The following RAI1 variants were observed in gnomAD, a reference collection of about 807,000 sequenced individuals.
RAI1 encodes retinoic acid-induced protein 1.
Under a neutral mutation model 123.8 loss-of-function variants are expected in RAI1, and 9 were observed. The observed-to-expected ratio is 0.07, with a 90% CI of 0.04 to 0.13. The LOEUF (loss-of-function observed/expected upper bound fraction) is 0.13, where lower values mean the gene tolerates loss of function less well. Among genes scored for constraint, RAI1 ranks in the 10% least tolerant of loss-of-function variants. The pLI, the probability that RAI1 is intolerant of heterozygous loss-of-function variation, is 1.00. For synonymous variants in RAI1, 1,231 were observed against 1,127.3 expected (o/e 1.09, Z -1.84); for missense variants, 2,256 against 2,545.8 (o/e 0.89, Z 2.45).
intron 2 of RAI1, among the ~76,000 whole-genome samples, chr17:17,728,857 C>T (rs1203124465): frequency 6.6e-6 from 1 of 152,214 alleles, no homozygotes; most frequent in African/African-American, 2.4e-5. Flanking sequence ...CCCTTCATAG[C>T]TCCTAGCTGC....
intron 1 of RAI1, chr17:17,682,406 C>T (rs1914462887): frequency 6.6e-6 from 1 of 151,880 alleles, no homozygotes; most frequent in Non-Finnish European, 1.5e-5. Context: ...GCCCCCGCGA[C>T]CTGGGGAGCT....
At chr17:17,767,811 T>C (rs1173407961) in intron 2 of RAI1, among the ~76,000 whole-genome samples, 1 of 152,212 alleles carries the variant, frequency 6.6e-6, no homozygotes, top group African/African-American at 2.4e-5. Flanking sequence ...CCAGCCTTGC[T>C]ACTCACAGGT....
In RAI1 at chr17:17,795,372, G is replaced by A. The variant is rs747732852; in HGVS notation, c.2424G>A (p.Gly808=). Residue 808 remains glycine (G), a synonymous_variant, in exon 3 of 6, where the codon GGG becomes GGA. Coordinates refer to ENST00000353383, the MANE Select transcript of RAI1 (RefSeq NM_030665.4). This position sits in a 1 kb window ranked among gnomAD's most constrained non-coding sequence, Gnocchi z 5.9. ...GGGAGAAGGTGGCCTCGTTGCCCGG[G>A]GACTTCAAGCAGGAGGAGGTGGGTG... ...PPGEKVASLP[G]DFKQEEVGGV... is the part of the protein sequence containing the mutation. 3 of 1,594,652 alleles carry A rather than the reference G, an allele frequency of 1.9e-6. No homozygotes were observed. The highest frequency in any genetic ancestry group is 1.7e-6 in the Non-Finnish European group (2 of 1,168,308).
At chr17:17,712,663 G>C (rs1280326744) in intron 1 of RAI1, among the ~76,000 whole-genome samples, 2 of 152,180 alleles carry the variant, frequency 1.3e-5, no homozygotes, top group Non-Finnish European at 1.5e-5. Flanking sequence ...GCCCAGAAGG[G>C]GCTATTGCAC....
chr17:17,682,310 G>C (rs1914455532), intron 1 of RAI1, among the ~76,000 whole-genome samples: 1 of 152,054 alleles, frequency 6.6e-6, no homozygotes, highest in Non-Finnish European at 1.5e-5. Context: ...TGCGTGGCGA[G>C]ATGGGTGCTC....
chr17:17,682,691 C>T (rs1405382780), intron 1 of RAI1: 1 of 152,222 alleles, frequency 6.6e-6, no homozygotes, highest in African/African-American at 2.4e-5. Flanking sequence ...GGAAGCGAAA[C>T]ACCAGCCAGG....
At chr17:17,706,776 C>T (rs917308413) in intron 1 of RAI1, among the ~76,000 whole-genome samples, 4 of 152,234 alleles carry the variant, frequency 2.6e-5, no homozygotes, top group African/African-American at 9.6e-5. Context: ...GGGAAGCACA[C>T]ATTTCTTCTC....
intron 1 of RAI1, among the ~76,000 whole-genome samples, chr17:17,722,917 C>T (rs1039189091): frequency 2.6e-5 from 4 of 152,238 alleles, no homozygotes. Flanking sequence ...CCTTAAGCGG[C>T]TCTTCTGCCG....
intron 1 of RAI1, among the ~76,000 whole-genome samples, chr17:17,697,115 C>A (rs777937641): frequency 1.3e-5 from 2 of 152,226 alleles, no homozygotes; most frequent in African/African-American, 4.8e-5. Context: ...TATTCCAGAA[C>A]GGTTCAATTC....
At chr17:17,783,120 G>A (rs1322193226) in intron 2 of RAI1, among the ~76,000 whole-genome samples, 1 of 149,618 alleles carries the variant, frequency 6.7e-6, no homozygotes. Flanking sequence ...AGGCGGGGAC[G>A]TCCAGGGCCG....
chr17:17,773,073 G>GTGGATGGATGGA (rs1172543704), intron 2 of RAI1, among the ~76,000 whole-genome samples: 2 of 92,510 alleles, frequency 2.2e-5, no homozygotes, highest in African/African-American at 8.6e-5. Flanking sequence ...GGGTGGGTGG[G>GTGGATGGATGGA]TGGATGGATG....
chr17:17,787,102 C>G (rs901587410), intron 2 of RAI1, among the ~76,000 whole-genome samples: 3 of 152,214 alleles, frequency 2.0e-5, no homozygotes, highest in South Asian at 2.1e-4. Context: ...TCATCCTTAT[C>G]ATGCAGCCTC....
chr17:17,688,569 C>G (rs1027556649), intron 1 of RAI1, among the ~76,000 whole-genome samples: 1 of 152,132 alleles, frequency 6.6e-6, no homozygotes, highest in African/African-American at 2.4e-5. Flanking sequence ...GATATCATTG[C>G]TGGGCTGTTA....
chr17:17,695,448 C>T (rs1248250570), intron 1 of RAI1, among the ~76,000 whole-genome samples: 1 of 152,202 alleles, frequency 6.6e-6, no homozygotes, highest in African/African-American at 2.4e-5. Context: ...CAACACTGCC[C>T]TGTCCCCACC....
intron 2 of RAI1, among the ~76,000 whole-genome samples, chr17:17,731,242 C>T (rs1875617447): frequency 1.3e-5 from 2 of 152,244 alleles, no homozygotes; most frequent in South Asian, 4.1e-4. Flanking sequence ...GCCTCGTTTA[C>T]AGGCTGTGTT....
chr17:17,752,293 A>T (rs2030213123), intron 2 of RAI1, among the ~76,000 whole-genome samples: 1 of 152,172 alleles, frequency 6.6e-6, no homozygotes, highest in African/African-American at 2.4e-5. Flanking sequence ...CCCAGCCCCC[A>T]GCCCGGGCAG....
At chr17:17,753,760 G>A (rs2030313191) in intron 2 of RAI1, among the ~76,000 whole-genome samples, 1 of 152,182 alleles carries the variant, frequency 6.6e-6, no homozygotes, top group Non-Finnish European at 1.5e-5. Flanking sequence ...GAAATGGAAT[G>A]ACAGATATCT....
At chr17:17,792,065 G>A (rs1441347247) in intron 2 of RAI1, among the ~76,000 whole-genome samples, 4 of 152,128 alleles carry the variant, frequency 2.6e-5, no homozygotes, top group Non-Finnish European at 5.9e-5. Context: ...GTGCCCTTCC[G>A]TGGCCGTGGC....
chr17:17,698,475 T>G (rs1025836362), intron 1 of RAI1, among the ~76,000 whole-genome samples: 1 of 152,088 alleles, frequency 6.6e-6, no homozygotes. Context: ...CAGCCCTCGG[T>G]CTCCCCCTCC....
Sources: gnomAD v4.1 joint callset for allele counts (sites outside exome capture counted in the v4.1 genomes callset) on GRCh38, gnomAD v4.1.1 for gene constraint, Gnocchi (gnomAD v3.1) non-coding constraint, MANE v1.5 for transcripts, NCBI Gene and HGNC (gene_info 2026-07-23, HGNC 2026-07-21) for gene names.